PRDM16: variants seen among roughly 807,000 people sequenced by gnomAD.
PRDM16 encodes the protein PR/SET domain 16, also known as histone-lysine N-methyltransferase PRDM16.
A neutral mutation model predicts 110.6 loss-of-function variants in PRDM16; 23 were observed. The ratio of observed to expected loss-of-function variants is 0.21; its 90% confidence interval spans 0.15 to 0.29. The LOEUF (loss-of-function observed/expected upper bound fraction) is 0.29. Among genes scored for constraint, PRDM16 ranks in the 10% least tolerant of loss-of-function variants. PRDM16 has a pLI of 1.00. For missense variants in PRDM16, 1,615 were observed against 1,794.3 expected, an observed-to-expected ratio of 0.90 and a Z score of 1.81; for synonymous variants, 799 against 781.8, an observed-to-expected ratio of 1.02 and a Z score of -0.37.
chr1:3,248,237 CA>C (rs1349687733), intron 3 of PRDM16, among the ~76,000 whole-genome samples: 1 of 152,192 alleles, frequency 6.6e-6, no homozygotes, highest in Non-Finnish European at 1.5e-5. Flanking sequence ...GAGATGCTAT[CA>C]GCTGAAAGAA....
At chr1:3,415,028 G>A (rs1259717289) in intron 10 of PRDM16, among the ~76,000 whole-genome samples, 1 of 152,210 alleles carries the variant, frequency 6.6e-6, no homozygotes, top group African/African-American at 2.4e-5. Context: ...TCTCTGGGGT[G>A]CACAGGACCT....
chr1:3,146,959 T>C, intron 1 of PRDM16, among the ~76,000 whole-genome samples: 1 of 97,910 alleles, frequency 1.0e-5, no homozygotes, highest in Admixed American at 1.3e-4. Flanking sequence ...GGGGTATGTG[T>C]GCACGTGTGC....
At chr1:3,154,437 G>A (rs1643828430) in intron 1 of PRDM16, among the ~76,000 whole-genome samples, 2 of 152,184 alleles carry the variant, frequency 1.3e-5, no homozygotes, top group South Asian at 4.1e-4. Flanking sequence ...GCCAGGTGGA[G>A]GCGTTGTCAG....
intron 3 of PRDM16, 117 bp from the exon 4 acceptor site, chr1:3,385,035 C>A: frequency 7.6e-7 from 1 of 1,307,978 alleles, no homozygotes; most frequent in Non-Finnish European, 1.1e-6. Flanking sequence ...GAGGTCTGGA[C>A]GCCGACTTGC....
chr1:3,100,183 G>A (rs1388087265), intron 1 of PRDM16, among the ~76,000 whole-genome samples: 1 of 152,124 alleles, frequency 6.6e-6, no homozygotes, highest in Non-Finnish European at 1.5e-5. Context: ...TGGAGAGGTG[G>A]GGACCAGAGT....
At chr1:3,235,167 C>T (rs1337345323) in intron 2 of PRDM16, among the ~76,000 whole-genome samples, 1 of 152,240 alleles carries the variant, frequency 6.6e-6, no homozygotes, top group African/African-American at 2.4e-5. Context: ...CGCCCAGCCG[C>T]TCCAGGCCTT....
At chr1:3,410,117 G>GT (rs1491161446) in intron 8 of PRDM16, among the ~76,000 whole-genome samples, 1 of 151,032 alleles carries the variant, frequency 6.6e-6, no homozygotes, top group Non-Finnish European at 1.5e-5. Context: ...CGTGTGTGTG[G>GT]TGTGTGTGCA....
chr1:3,180,755 C>T (rs955575507), intron 1 of PRDM16, among the ~76,000 whole-genome samples: 2 of 132,926 alleles, frequency 1.5e-5, no homozygotes, highest in Non-Finnish European at 3.1e-5. Context: ...AGAGAAACAG[C>T]GTTTCCCAAC....
chr1:3,074,428 T>TGC (rs952506121), intron 1 of PRDM16, among the ~76,000 whole-genome samples: 33 of 151,574 alleles, frequency 2.2e-4, no homozygotes, highest in Non-Finnish European at 3.7e-4. Flanking sequence ...TGTGTGTGTG[T>TGC]GCGCGTGTGT....
rs536037124 is a variant in PRDM16, at chr1:3,110,334, C to T, written c.37+41038C>T. 8.4e-3 allele frequency among the ~76,000 whole-genome samples: 1,194 copies of T among 142,818 alleles called. 16 individuals are homozygous for T. The highest frequency in any genetic ancestry group is 0.028 in the African/African-American group (1,050 of 37,622). The allele number at this position is 142,818 out of a possible 152,430, so 93.7% of individuals were successfully genotyped here. On this transcript the variant is annotated intron_variant, in intron 1 of 16. Transcript: ENST00000270722. ...GTCCTGGGTGTGGGGACACAGTGCTCGGGGGCTCCCCCATGTCCTGGGTGT... is the reference window on the plus strand; with the variant it reads ...GTCCTGGGTGTGGGGACACAGTGCTTGGGGGCTCCCCCATGTCCTGGGTGT...
At chr1:3,325,688 G>T (rs1641873111) in intron 3 of PRDM16, among the ~76,000 whole-genome samples, 1 of 152,182 alleles carries the variant, frequency 6.6e-6, no homozygotes, top group Non-Finnish European at 1.5e-5. Context: ...AGGCTCTGAG[G>T]GAGACTCTGT....
In PRDM16 at chr1:3,265,967, A is replaced by C. The variant is rs2455096; in HGVS notation, c.438+21830A>C. Among the ~76,000 whole-genome samples the C allele has an allele frequency of 0.29, 44,112 of 151,914 alleles. 8,021 individuals are homozygous for C. The highest frequency in any genetic ancestry group is 0.5 in the African/African-American group (20,612 of 41,428). ...AGGGCGAGGCCAGGCCCAGCCCCCA[A>C]CTCAAGGGCCGCCCTCCAGCCTAGC... On this transcript the variant is annotated intron_variant, in intron 3 of 16. Coordinates refer to ENST00000270722, the MANE Select transcript of PRDM16 (RefSeq NM_022114.4). This position sits in a 1 kb window ranked among gnomAD's most constrained non-coding sequence, Gnocchi z 4.5.
intron 1 of PRDM16, among the ~76,000 whole-genome samples, chr1:3,179,731 C>T (rs1000044992): frequency 6.6e-6 from 1 of 152,240 alleles, no homozygotes; most frequent in South Asian, 2.1e-4. Context: ...TGGCCTCCGC[C>T]TTGCCCTGCT....
At chr1:3,211,794 C>T (rs1165329872) in intron 2 of PRDM16, among the ~76,000 whole-genome samples, 2 of 152,224 alleles carry the variant, frequency 1.3e-5, no homozygotes, top group Non-Finnish European at 2.9e-5. Context: ...GCAGCACGAG[C>T]GTGTCCATGC....
chr1:3,287,328 G>A (rs1183456723), intron 3 of PRDM16, among the ~76,000 whole-genome samples: 4 of 124,528 alleles, frequency 3.2e-5, no homozygotes, highest in Admixed American at 7.6e-5. Context: ...CCCGCCACGC[G>A]GGCATCCAGG....
At chr1:3,378,039 G>A (rs558590152) in intron 3 of PRDM16, among the ~76,000 whole-genome samples, 288 of 152,334 alleles carry the variant, frequency 1.9e-3, no homozygotes, top group African/African-American at 6.5e-3. Flanking sequence ...GATGTAGCAC[G>A]CACCCAGGTT....
At chr1:3,095,295 G>A (rs560573828) in intron 1 of PRDM16, among the ~76,000 whole-genome samples, 28 of 150,506 alleles carry the variant, frequency 1.9e-4, no homozygotes, top group Non-Finnish European at 3.2e-4. Context: ...GGAGGTAGCC[G>A]AGAAGAGGGC....
intron 3 of PRDM16, among the ~76,000 whole-genome samples, chr1:3,372,611 A>G (rs1246238765): frequency 6.6e-6 from 1 of 152,232 alleles, no homozygotes; most frequent in Non-Finnish European, 1.5e-5. Flanking sequence ...TCAAAAACCA[A>G]ACCAAAACAA....
rs1225507530 is a variant in PRDM16 at position 3,418,649 on chromosome 1, C to T, written c.2862-18C>T. 6 of 1,590,296 alleles carry T rather than the reference C, an allele frequency of 3.8e-6. No homozygotes were observed. The East Asian group carries it at 8.9e-5, about 24-fold the overall frequency. On this transcript the variant is annotated intron_variant, in intron 11 of 16. Coordinates refer to ENST00000270722, the MANE Select transcript of PRDM16 (RefSeq NM_022114.4). ...CACCCTAATCCTCCCTCACCCTCCCCACCTCCCTCCACCCCAGGTACTGTG... is the reference window on the plus strand; with the variant it reads ...CACCCTAATCCTCCCTCACCCTCCCTACCTCCCTCCACCCCAGGTACTGTG...
Sources: gnomAD v4.1 joint callset for allele counts (sites outside exome capture counted in the v4.1 genomes callset) on GRCh38, gnomAD v4.1.1 for gene constraint, Gnocchi (gnomAD v3.1) non-coding constraint, MANE v1.5 for transcripts, NCBI Gene and HGNC (gene_info 2026-07-23, HGNC 2026-07-21) for gene names.